TRPC5: variants seen among roughly 807,000 people sequenced by gnomAD.
TRPC5 encodes the protein short transient receptor potential channel 5.
A neutral mutation model predicts 56.5 loss-of-function variants in TRPC5; 9 were observed. That is an observed-to-expected ratio of 0.16 (90% confidence interval 0.10 to 0.28). TRPC5 has a LOEUF of 0.28. Ranked by LOEUF, TRPC5 falls within the 10% of genes least tolerant of loss-of-function variation. TRPC5 has a pLI of 1.00. For synonymous variants in TRPC5, 282 were observed against 278.5 expected (o/e 1.01, Z -0.13); for missense variants, 469 against 748.9 (o/e 0.63, Z 4.36).
intron 7 of TRPC5, among the ~76,000 whole-genome samples, chrX:111,825,052 TG>T (rs1922148277): frequency 9.0e-6 from 1 of 111,699 alleles, no homozygotes; most frequent in Non-Finnish European, 1.9e-5. Flanking sequence ...AGATACGTGT[TG>T]GTTGGGGTAC....
chrX:112,010,914 C>A lies in TRPC5; in HGVS notation c.-21-58473G>T, dbSNP rs1311659648. 2.7e-5 allele frequency among the ~76,000 whole-genome samples: 3 copies of A among 111,886 alleles called. No individual in the cohort carries two copies. The Admixed American group carries it at 2.9e-4, about 11-fold the overall frequency. On this transcript the variant is annotated intron_variant, in intron 1 of 10. Transcript: ENST00000262839. The stretch of plus-strand genomic sequence containing the variant: ...TAAATGTGAAACCGAGGATGTATGG[C>A]AGCCAAACTTCCTGCCTGTGAGAGG...
intron 1 of TRPC5, among the ~76,000 whole-genome samples, chrX:112,026,682 A>C (rs986647796): frequency 9.9e-5 from 11 of 110,818 alleles, no homozygotes; most frequent in African/African-American, 3.3e-4. Context: ...CTTATAGTCT[A>C]TGCTTGTTGT....
intron 6 of TRPC5, among the ~76,000 whole-genome samples, chrX:111,836,263 G>A (rs995200419): frequency 4.5e-5 from 5 of 112,099 alleles, no homozygotes; most frequent in African/African-American, 9.7e-5. Flanking sequence ...CAGCCAGTTC[G>A]TGGGTGGCAG....
intron 7 of TRPC5, among the ~76,000 whole-genome samples, chrX:111,808,689 T>TC (rs1186464456): frequency 9.2e-6 from 1 of 109,088 alleles, no homozygotes; most frequent in Non-Finnish European, 1.9e-5. Context: ...CCTTTACTCT[T>TC]CCCTCTCCTT....
intron 3 of TRPC5, among the ~76,000 whole-genome samples, chrX:111,865,484 G>A (rs1376875871): frequency 2.7e-5 from 3 of 109,690 alleles, no homozygotes; most frequent in Non-Finnish European, 3.8e-5. Context: ...ACACCACCAC[G>A]CCTGGCTAAT....
At chrX:111,887,153 C>G (rs1467352790) in intron 3 of TRPC5, among the ~76,000 whole-genome samples, 3 of 112,508 alleles carry the variant, frequency 2.7e-5, no homozygotes, top group Non-Finnish European at 5.6e-5. Flanking sequence ...CCTTTTTGGA[C>G]TCTCACATCT....
At chrX:112,020,728 T>G (rs937551224) in intron 1 of TRPC5, among the ~76,000 whole-genome samples, 2 of 111,810 alleles carry the variant, frequency 1.8e-5, no homozygotes, top group Admixed American at 1.9e-4. Flanking sequence ...AAGGTATGGC[T>G]GCCTCCTATA....
chrX:112,003,230 G>A (rs1282847302), intron 1 of TRPC5, among the ~76,000 whole-genome samples: 1 of 111,700 alleles, frequency 9.0e-6, no homozygotes, highest in South Asian at 3.7e-4. Context: ...ACATTACAGA[G>A]TACACAATTA....
chrX:112,068,163 T>C (rs777281762), intron 1 of TRPC5, among the ~76,000 whole-genome samples: 1 of 112,080 alleles, frequency 8.9e-6, no homozygotes, highest in Non-Finnish European at 1.9e-5. Context: ...ATGGGCTGCT[T>C]TTGCAACCTA....
intron 1 of TRPC5, among the ~76,000 whole-genome samples, chrX:112,013,529 T>C (rs969661804): frequency 1.8e-5 from 2 of 111,656 alleles, no homozygotes; most frequent in African/African-American, 6.5e-5. Context: ...CCTCATCTTA[T>C]AGCTGAGAAA....
At chrX:111,777,334 G>A (rs1200495765) in intron 10 of TRPC5, among the ~76,000 whole-genome samples, 1 of 110,946 alleles carries the variant, frequency 9.0e-6, no homozygotes, top group Non-Finnish European at 1.9e-5. Flanking sequence ...TGGCTCTCAG[G>A]TGTCTGCATA....
chrX:111,850,037 G>T (rs1295379752), intron 5 of TRPC5, among the ~76,000 whole-genome samples: 1 of 111,809 alleles, frequency 8.9e-6, no homozygotes, highest in Non-Finnish European at 1.9e-5. Flanking sequence ...GCCTAATGTG[G>T]GGACTCAATA....
At chrX:111,913,653 A>C (rs1258301604) in intron 2 of TRPC5, among the ~76,000 whole-genome samples, 1 of 111,605 alleles carries the variant, frequency 9.0e-6, no homozygotes, top group Non-Finnish European at 1.9e-5. Flanking sequence ...ATGAATTAAA[A>C]AATCTTTCGA....
intron 1 of TRPC5, 145 bp from the exon 2 acceptor site, chrX:111,952,586 A>G (rs183419960): frequency 1.4e-4 from 87 of 602,639 alleles, no homozygotes; most frequent in South Asian, 2.5e-4. Context: ...ACAAAGAAGT[A>G]TAACAGAAAA....
intron 6 of TRPC5, among the ~76,000 whole-genome samples, chrX:111,841,069 C>G (rs1057480766): frequency 1.8e-5 from 2 of 111,887 alleles, no homozygotes; most frequent in African/African-American, 6.5e-5. Context: ...CAATAAGAAC[C>G]TTTATGACCT....
chrX:111,795,403 T>C (rs1307057729), intron 7 of TRPC5, among the ~76,000 whole-genome samples: 1 of 111,551 alleles, frequency 9.0e-6, no homozygotes, highest in South Asian at 3.8e-4. Context: ...TCAATTGATA[T>C]GATCATGGGC....
intron 2 of TRPC5, 97 bp from the exon 3 acceptor site, chrX:111,912,909 C>T (rs1052656517): frequency 2.3e-5 from 21 of 931,583 alleles, no homozygotes; most frequent in East Asian, 6.2e-5. Context: ...GAATTAGAGT[C>T]TCCATTCTTG....
intron 1 of TRPC5, among the ~76,000 whole-genome samples, chrX:111,989,638 C>T (rs1291372004): frequency 8.9e-6 from 1 of 111,948 alleles, no homozygotes; most frequent in African/African-American, 3.2e-5. Context: ...CAAAGCTTAT[C>T]TTGAGGCAAT....
At chrX:111,988,203 A>G (rs1928261859) in intron 1 of TRPC5, among the ~76,000 whole-genome samples, 1 of 111,317 alleles carries the variant, frequency 9.0e-6, no homozygotes. Flanking sequence ...TTTGCTCTGG[A>G]TCTTAGGAAA....
Sources: allele counts gnomAD v4.1 joint callset (sites outside exome capture counted in the v4.1 genomes callset), GRCh38; gene constraint gnomAD v4.1.1; transcripts MANE v1.5; gene names NCBI Gene and HGNC (gene_info 2026-07-23, HGNC 2026-07-21).